Variants in EFHB observed in about 807,000 individuals in gnomAD.
EFHB encodes the protein EF-hand domain-containing family member B.
In EFHB, 91 loss-of-function variants were observed where a neutral mutation model predicts 87.2. That is an observed-to-expected ratio of 1.04 (90% confidence interval 0.88 to 1.24). EFHB has a LOEUF of 1.24. EFHB is among the 50% of genes most tolerant of loss of function. EFHB has a pLI of 0.00. For missense variants in EFHB, 1,084 were observed against 998.8 expected (o/e 1.09, Z -1.15); for synonymous variants, 325 against 333.6 (o/e 0.97, Z 0.28).
In EFHB at chr3:19,933,530, G is replaced by A. The variant is rs772121270; in HGVS notation, c.489C>T (p.Phe163=). Residue 163 remains phenylalanine, a synonymous_variant, in exon 1 of 13, where the codon TTC becomes TTT. Transcript: ENST00000295824. ...GVEELVGKPA[F]VMEPRQEMEK... The stretch of plus-strand genomic sequence containing the variant: ...CCATTTCCTGTCTTGGTTCCATAAC[G>A]AAAGCAGGCTTTCCCACTAATTCCT... The A allele has an allele frequency of 5.6e-6, 9 of 1,613,794 alleles. No individual in the cohort carries two copies. The highest frequency in any genetic ancestry group is 5.5e-5 in the South Asian group (5 of 91,082).
At chr3:19,938,233 G>A (rs975602082), upstream of EFHB, among the ~76,000 whole-genome samples, 2 of 152,172 alleles carry the variant, frequency 1.3e-5, no homozygotes, top group Admixed American at 1.3e-4. Flanking sequence ...TGAGATTACG[G>A]TAGTGTTCCG....
At chr3:19,904,878 T>G (rs1187552177) in intron 6 of EFHB, among the ~76,000 whole-genome samples, 1 of 152,230 alleles carries the variant, frequency 6.6e-6, no homozygotes, top group Non-Finnish European at 1.5e-5. Context: ...CTTCTGATTT[T>G]TTTAAGCATA....
chr3:19,934,023 G>T lies in EFHB; in HGVS notation c.-5C>A. On this transcript the variant is annotated 5_prime_UTR_variant, in exon 1 of 13. Transcript: ENST00000295824. ...ATGTCCAATCTCCATGTTCATGGAC[G>T]ATTTCTCCCCATTCTCATTTCTCCA... 1 of 1,588,796 alleles carries T rather than the reference G, an allele frequency of 6.3e-7. No homozygotes were observed.
chr3:19,933,012 T>C (rs1251064381), intron 1 of EFHB, among the ~76,000 whole-genome samples: 1 of 152,160 alleles, frequency 6.6e-6, no homozygotes, highest in Non-Finnish European at 1.5e-5. Flanking sequence ...AAACCACCGG[T>C]GTGCAGAGAA....
intron 1 of EFHB, chr3:19,941,281 C>A: frequency 3.7e-6 from 1 of 270,446 alleles, no homozygotes; most frequent in Non-Finnish European, 7.5e-6. Context: ...TCAAATAGGG[C>A]ATGTGTAAGA....
At chr3:19,914,073 A>C (rs961664781) in intron 5 of EFHB, among the ~76,000 whole-genome samples, 1 of 152,180 alleles carries the variant, frequency 6.6e-6, no homozygotes, top group African/African-American at 2.4e-5. Flanking sequence ...CCTCCCAAGT[A>C]GCTGGAACTA....
chr3:19,934,171 C>T lies in EFHB; in HGVS notation c.-153G>A. ...GGACTCCCTGTCCATTGCTTCCTGC[C>T]TGCCTCTTAACACCTAGCCGAGTTC... On this transcript the variant is annotated 5_prime_UTR_variant, in exon 1 of 13. Coordinates refer to ENST00000295824, the MANE Select transcript of EFHB (RefSeq NM_144715.4). The T allele has an allele frequency of 2.8e-6, 4 of 1,443,046 alleles. No homozygotes were observed. The highest frequency in any genetic ancestry group is 3.6e-6 in the Non-Finnish European group (4 of 1,105,948). The allele number at this position is 1,443,046 out of a possible 1,614,324, so 89.4% of individuals were successfully genotyped here. A position where few individuals can be genotyped will look rare whatever the true frequency, so the allele number is the denominator to read the frequency against.
At chr3:19,923,654 C>T (rs1695515552) in intron 1 of EFHB, among the ~76,000 whole-genome samples, 1 of 152,260 alleles carries the variant, frequency 6.6e-6, no homozygotes, top group East Asian at 1.9e-4. Flanking sequence ...GGATTACAGG[C>T]ATGAGCCACC....
intron 5 of EFHB, among the ~76,000 whole-genome samples, chr3:19,910,846 CA>C (rs1211265713): frequency 2.6e-5 from 4 of 152,208 alleles, no homozygotes; most frequent in African/African-American, 9.6e-5. Flanking sequence ...TGTCCAAGTC[CA>C]TCAAGGCAGT....
At chr3:19,895,641 T>C (rs1027266507) in intron 9 of EFHB, among the ~76,000 whole-genome samples, 1 of 152,192 alleles carries the variant, frequency 6.6e-6, no homozygotes, top group Non-Finnish European at 1.5e-5. Flanking sequence ...CCATTATTTA[T>C]TGAGTTGGCT....
At chr3:19,915,482 C>T in intron 4 of EFHB, 69 bp from the exon 5 acceptor site, 16 of 998,082 alleles carry the variant, frequency 1.6e-5, no homozygotes, top group Non-Finnish European at 2.4e-5. Flanking sequence ...TTTATATTGA[C>T]TAGAACAAAT....
At chr3:19,881,676 A>C (rs1447585845) in intron 12 of EFHB, among the ~76,000 whole-genome samples, 2 of 152,174 alleles carry the variant, frequency 1.3e-5, no homozygotes, top group Non-Finnish European at 2.9e-5. Context: ...CGTCCGTGTG[A>C]AAGAATTGCT....
chr3:19,890,777 A>T (rs999718290), intron 9 of EFHB, among the ~76,000 whole-genome samples: 2 of 152,130 alleles, frequency 1.3e-5, no homozygotes, highest in Non-Finnish European at 2.9e-5. Flanking sequence ...GAAGTTTAGG[A>T]CTTATTGCCT....
intron 5 of EFHB, among the ~76,000 whole-genome samples, chr3:19,906,707 A>G (rs1360711547): frequency 6.6e-6 from 1 of 152,040 alleles, no homozygotes; most frequent in Admixed American, 6.6e-5. Flanking sequence ...AGAAAAAAAA[A>G]AATCTTAAAA....
intron 8 of EFHB, among the ~76,000 whole-genome samples, chr3:19,898,224 G>A (rs1161023301): frequency 6.6e-6 from 1 of 152,186 alleles, no homozygotes. Context: ...TTACTGGCTA[G>A]CTGGCTGGCT....
chr3:19,897,511 C>T (rs921656844), intron 8 of EFHB, among the ~76,000 whole-genome samples: 2 of 152,132 alleles, frequency 1.3e-5, no homozygotes, highest in South Asian at 2.1e-4. Flanking sequence ...TTTTCCCTGG[C>T]GTACACACAT....
Position 19,899,459 on chromosome 3 carries a change from T to C in EFHB, c.1475A>G (p.Gln492Arg). 6.2e-7 allele frequency: 1 copy of C among 1,605,514 alleles called. No individual in the cohort carries two copies. Among genetic ancestry groups the C allele is most frequent in the Non-Finnish European group, 8.5e-7 (1 of 1,177,368 alleles). The change falls in exon 7 of 13, where the codon CAA becomes CGA. Residue 492 changes from glutamine (Q) to arginine (R), a missense_variant. Gln to Arg is a conservative substitution (Grantham distance 43). Coordinates refer to ENST00000295824, the MANE Select transcript of EFHB (RefSeq NM_144715.4). ...ATCTAAAACTCTTCCAAGTTTATGT[T>C]GAAACTTTTCTTTGAAATCATCTGC... is the stretch of plus-strand genomic sequence containing the variant. ...KRADDFKEKF[Q>R]HKLGRVLDPI...
chr3:19,914,610 A>G lies in EFHB; in HGVS notation c.1288+693T>C, dbSNP rs144016485. 5.1e-4 allele frequency among the ~76,000 whole-genome samples: 77 copies of G among 152,280 alleles called. No homozygotes were observed. The East Asian group carries it at 0.014, about 28-fold the overall frequency. On this transcript the variant is annotated intron_variant, in intron 5 of 12. Transcript: ENST00000295824. ...CCAGGTGCTATGTTAAGCATCTGACATCTACTCAATCCTCACTATATTACT... is the reference window on the plus strand; with the variant it reads ...CCAGGTGCTATGTTAAGCATCTGACGTCTACTCAATCCTCACTATATTACT...
At chr3:19,908,608 G>GAAAGAAAGAAA (rs1559459852) in intron 5 of EFHB, among the ~76,000 whole-genome samples, 2 of 136,236 alleles carry the variant, frequency 1.5e-5, no homozygotes, top group Non-Finnish European at 3.1e-5. Context: ...GAGAAAGAAA[G>GAAAGAAAGAAA]AAAGAAAGAA....
Sources: gnomAD v4.1 joint callset for allele counts (sites outside exome capture counted in the v4.1 genomes callset) on GRCh38, gnomAD v4.1.1 for gene constraint, MANE v1.5 for transcripts, NCBI Gene and HGNC (gene_info 2026-07-23, HGNC 2026-07-21) for gene names.